Variants in PLA2G4E observed in about 807,000 individuals in gnomAD.
PLA2G4E encodes phospholipase A2 group IVE, also known as cytosolic phospholipase A2 epsilon.
A neutral mutation model predicts 109.1 loss-of-function variants in PLA2G4E; 84 were observed. The observed-to-expected ratio is 0.77, with a 90% CI of 0.65 to 0.92. The LOEUF (loss-of-function observed/expected upper bound fraction) is 0.92, where lower values mean the gene tolerates loss of function less well. Among genes scored for constraint, PLA2G4E ranks in the 40% least tolerant of loss-of-function variants. The pLI is 0.00. For synonymous variants in PLA2G4E, 469 were observed against 436.1 expected (o/e 1.08, Z -0.94); for missense variants, 1,057 against 1,076.6 (o/e 0.98, Z 0.25).
chr15:41,991,518 C>T (rs536505770), intron 13 of PLA2G4E, among the ~76,000 whole-genome samples: 1 of 106,324 alleles, frequency 9.4e-6, no homozygotes, highest in South Asian at 3.2e-4. Flanking sequence ...ATCACAGGGG[C>T]AGGGTGGGTG....
intron 1 of PLA2G4E, among the ~76,000 whole-genome samples, chr15:42,029,793 C>T (rs1001982604): frequency 3.9e-5 from 6 of 152,216 alleles, no homozygotes; most frequent in African/African-American, 1.2e-4. Flanking sequence ...AGGTAAAGGA[C>T]TTAGCACATG....
intron 1 of PLA2G4E, among the ~76,000 whole-genome samples, chr15:42,032,649 A>C (rs1303097327): frequency 6.6e-6 from 1 of 152,232 alleles, no homozygotes; most frequent in Non-Finnish European, 1.5e-5. Flanking sequence ...CATCCAACCA[A>C]GTGGCCTTAG....
exon 16 of PLA2G4E, chr15:41,988,144 C>T (rs1274441217): frequency 6.3e-7 from 1 of 1,597,578 alleles, no homozygotes; most frequent in Non-Finnish European, 8.5e-7. Flanking sequence ...GGAGAAGATG[C>T]TGCTCCACAG....
At chr15:42,022,844 A>G (rs1023903230) in intron 1 of PLA2G4E, among the ~76,000 whole-genome samples, 6 of 152,160 alleles carry the variant, frequency 3.9e-5, no homozygotes, top group Non-Finnish European at 8.8e-5. Context: ...GCTCTGCCAC[A>G]CAACTAAGAA....
At chr15:42,001,183 G>C in exon 7 of PLA2G4E, 1 of 1,613,752 alleles carries the variant, frequency 6.2e-7, no homozygotes, top group Non-Finnish European at 8.5e-7. Context: ...CCGCCTCCTG[G>C]ATTGTGCATG....
exon 20 of PLA2G4E, chr15:41,982,911 T>C (rs997393331): frequency 4.6e-5 from 7 of 152,244 alleles, no homozygotes; most frequent in African/African-American, 1.7e-4. Context: ...TAGGGCTCCA[T>C]CTAGATCTTC....
intron 10 of PLA2G4E, chr15:41,998,150 A>G (rs1275039406): frequency 1.3e-5 from 2 of 152,230 alleles, no homozygotes; most frequent in African/African-American, 4.8e-5. Context: ...CTCCAGATGA[A>G]TGTACCTTGA....
intron 3 of PLA2G4E, 114 bp from the exon 4 acceptor site, chr15:42,006,235 A>G: frequency 4.5e-6 from 6 of 1,335,272 alleles, no homozygotes; most frequent in Non-Finnish European, 6.2e-6. Context: ...GATGGGAGAC[A>G]GCCCAGAAGT....
intron 1 of PLA2G4E, among the ~76,000 whole-genome samples, chr15:42,025,589 T>C (rs545478386): frequency 6.6e-6 from 1 of 152,200 alleles, no homozygotes; most frequent in East Asian, 1.9e-4. Flanking sequence ...CTGGGACCCA[T>C]TGTATGCAGG....
At chr15:42,009,238 A>T (rs2068507636) in intron 2 of PLA2G4E, 1 of 152,194 alleles carries the variant, frequency 6.6e-6, no homozygotes, top group Non-Finnish European at 1.5e-5. Context: ...TCTATGCTCA[A>T]CCTGCTCTTC....
intron 1 of PLA2G4E, among the ~76,000 whole-genome samples, chr15:42,019,332 G>C (rs1326476923): frequency 6.6e-6 from 1 of 152,220 alleles, no homozygotes; most frequent in East Asian, 1.9e-4. Context: ...ATTACCAAAG[G>C]GCTCCCAGGG....
At chr15:42,005,024 T>C in intron 4 of PLA2G4E, 46 bp from the exon 5 acceptor site, 1 of 1,604,538 alleles carries the variant, frequency 6.2e-7, no homozygotes, top group Non-Finnish European at 8.5e-7. Context: ...CGTCTGCACA[T>C]CTCTGCTGAC....
At chr15:41,997,134 T>C (rs2068355563) in exon 11 of PLA2G4E, 2 of 1,568,762 alleles carry the variant, frequency 1.3e-6, no homozygotes, top group African/African-American at 1.4e-5. Context: ...CTCGTCCTCC[T>C]GCAGGTCTTC....
chr15:42,013,815 CCGG>C, intron 1 of PLA2G4E, 58 bp from the exon 2 acceptor site: 1 of 1,445,750 alleles, frequency 6.9e-7, no homozygotes, highest in Non-Finnish European at 9.4e-7. Context: ...GGCCATTGCC[CCGG>C]GGGAGACTTT....
intron 1 of PLA2G4E, among the ~76,000 whole-genome samples, chr15:42,037,652 CGTTGTGG>C (rs1169732135): frequency 2.0e-5 from 3 of 152,220 alleles, no homozygotes; most frequent in Non-Finnish European, 2.9e-5. Context: ...TTGCTCACTT[CGTTGTGG>C]GTGAAGAGAA....
At chr15:42,050,464 G>C (rs2141082547) in intron 1 of PLA2G4E, 4 of 1,500,190 alleles carry the variant, frequency 2.7e-6, no homozygotes, top group African/African-American at 1.4e-5. Flanking sequence ...TTCCGAGTCA[G>C]GAAAGTGAGG....
In PLA2G4E at chr15:41,995,379, C is replaced by T. The variant is rs754586477; in HGVS notation, c.1228G>A (p.Gly410Ser). The T allele has an allele frequency of 6.2e-7, 1 of 1,613,464 alleles. No individual in the cohort carries two copies. The highest frequency in any genetic ancestry group is 2.2e-5 in the East Asian group (1 of 44,882). Residue 410 changes from glycine (G) to serine (S), a missense_variant, in exon 12 of 20, where the codon GGT (glycine) becomes AGT (serine). By Grantham distance (56) the Gly-to-Ser change is moderately conservative. Transcript: ENST00000399518. ...CCTTACCAGGTGGCCCCTGATAGAC[C>T]GGTGATGTAGCTGGCACAGTCCAGG...
exon 20 of PLA2G4E, chr15:41,981,951 A>C (rs952854306): frequency 3.9e-5 from 6 of 152,160 alleles, no homozygotes; most frequent in Admixed American, 2.0e-4. Flanking sequence ...TCAAACTTCA[A>C]TATGCACAGG....
At chr15:42,020,836 G>T (rs1422816412) in intron 1 of PLA2G4E, among the ~76,000 whole-genome samples, 99 bp downstream of exon 1, 1 of 152,122 alleles carries the variant, frequency 6.6e-6, no homozygotes, top group Non-Finnish European at 1.5e-5. Flanking sequence ...CCTGAGGCCC[G>T]TCTCCTGCTC....
Sources: gnomAD v4.1 joint callset for allele counts (sites outside exome capture counted in the v4.1 genomes callset) on GRCh38, gnomAD v4.1.1 for gene constraint, MANE v1.5 for transcripts, NCBI Gene and HGNC (gene_info 2026-07-23, HGNC 2026-07-21) for gene names.